Variants in SCMH1 observed in about 807,000 individuals in gnomAD.
The protein encoded by SCMH1 is Scm polycomb group protein homolog 1, also known as polycomb protein SCMH1.
SCMH1 carries 37 observed loss-of-function variants against 70.8 expected under a neutral mutation model. The observed-to-expected ratio is 0.52, with a 90% CI of 0.40 to 0.69. The LOEUF (loss-of-function observed/expected upper bound fraction) is 0.69, where lower values mean the gene tolerates loss of function less well. Among genes scored for constraint, SCMH1 ranks in the 30% least tolerant of loss-of-function variants. The probability of loss-of-function intolerance (pLI) is 0.00; values close to 1 mark genes in which losing one functional copy is unlikely to be tolerated. For synonymous variants in SCMH1, 292 were observed against 307.4 expected, an observed-to-expected ratio of 0.95 and a Z score of 0.52; for missense variants, 607 against 827.3, an observed-to-expected ratio of 0.73 and a Z score of 3.27.
intron 8 of SCMH1, among the ~76,000 whole-genome samples, chr1:41,095,560 C>G (rs6674290): frequency 0.85 from 129,432 of 152,210 alleles, 55,531 homozygotes; most frequent in East Asian, 0.96. Flanking sequence ...TGACCTCCTA[C>G]CTCCTGGGGT....
chr1:41,033,167 C>T, intron 13 of SCMH1, among the ~76,000 whole-genome samples: 1 of 151,710 alleles, frequency 6.6e-6, no homozygotes, highest in East Asian at 1.9e-4. Flanking sequence ...GCCTGCAGTC[C>T]CAACTACTTG....
intron 6 of SCMH1, among the ~76,000 whole-genome samples, chr1:41,118,815 A>G (rs957729331): frequency 5.3e-5 from 8 of 152,202 alleles, no homozygotes; most frequent in African/African-American, 1.9e-4. Flanking sequence ...ATGTTTTTTG[A>G]GCATTTCCCA....
chr1:41,176,759 G>A (rs1301853687), intron 2 of SCMH1, among the ~76,000 whole-genome samples: 3 of 152,202 alleles, frequency 2.0e-5, no homozygotes, highest in African/African-American at 4.8e-5. Flanking sequence ...CAGGAAGCTC[G>A]AACTGGGTGG....
At chr1:41,185,784 C>G (rs75111969) in intron 2 of SCMH1, among the ~76,000 whole-genome samples, 1 of 151,878 alleles carries the variant, frequency 6.6e-6, no homozygotes, top group African/African-American at 2.4e-5. Flanking sequence ...TACAGGCATG[C>G]GCCACCATGC....
chr1:41,231,973 A>G (rs1251278454), intron 1 of SCMH1, among the ~76,000 whole-genome samples: 1 of 151,688 alleles, frequency 6.6e-6, no homozygotes, highest in Admixed American at 6.6e-5. Flanking sequence ...CAGCGAGCCA[A>G]GATCTCACAC....
intron 8 of SCMH1, among the ~76,000 whole-genome samples, chr1:41,105,398 C>A (rs777904481): frequency 8.5e-5 from 13 of 152,098 alleles, no homozygotes; most frequent in Non-Finnish European, 1.5e-4. Context: ...TATAGTATAA[C>A]CTATTTCAGT....
intron 1 of SCMH1, among the ~76,000 whole-genome samples, chr1:41,220,543 T>C (rs1166518547): frequency 1.3e-5 from 2 of 152,208 alleles, no homozygotes; most frequent in Non-Finnish European, 2.9e-5. Flanking sequence ...TGCTTATAGC[T>C]ATCTCTATCT....
At chr1:41,197,097 G>T (rs1162707800) in intron 1 of SCMH1, among the ~76,000 whole-genome samples, 3 of 152,142 alleles carry the variant, frequency 2.0e-5, no homozygotes, top group African/African-American at 7.2e-5. Flanking sequence ...ATTGCTGGTG[G>T]GAATGTAAAA....
chr1:41,172,377 AG>A (rs1400742548), intron 2 of SCMH1, among the ~76,000 whole-genome samples: 1 of 152,082 alleles, frequency 6.6e-6, no homozygotes, highest in African/African-American at 2.4e-5. Context: ...AATTTATCCA[AG>A]GAGGTGAAAG....
chr1:41,095,469 GA>G (rs535713810), intron 8 of SCMH1, among the ~76,000 whole-genome samples: 56 of 152,204 alleles, frequency 3.7e-4, no homozygotes, highest in African/African-American at 1.3e-3. Context: ...TGAAAACTGG[GA>G]AAAAAATTAG....
At chr1:41,131,137 T>A (rs1036452559) in intron 6 of SCMH1, among the ~76,000 whole-genome samples, 3 of 152,198 alleles carry the variant, frequency 2.0e-5, no homozygotes, top group African/African-American at 7.2e-5. Context: ...CATTTGTTCC[T>A]CACCAGCTGT....
intron 1 of SCMH1, among the ~76,000 whole-genome samples, chr1:41,213,351 T>C (rs1036855590): frequency 5.3e-5 from 8 of 152,222 alleles, no homozygotes; most frequent in Admixed American, 3.3e-4. Context: ...TTTTGTTGTA[T>C]GTTTGTGATG....
intron 2 of SCMH1, among the ~76,000 whole-genome samples, chr1:41,177,374 A>G (rs536038714): frequency 2.6e-5 from 4 of 152,264 alleles, no homozygotes; most frequent in Non-Finnish European, 4.4e-5. Context: ...CCAGCAATGG[A>G]ACAAAGCTGG....
chr1:41,126,412 A>C (rs1216660400), intron 6 of SCMH1, among the ~76,000 whole-genome samples: 1 of 152,158 alleles, frequency 6.6e-6, no homozygotes, highest in Non-Finnish European at 1.5e-5. Flanking sequence ...TAAGTAAAAT[A>C]CTTAGTTCAA....
At chr1:41,091,707 A>G (rs182736067) in intron 8 of SCMH1, among the ~76,000 whole-genome samples, 6 of 152,076 alleles carry the variant, frequency 3.9e-5, no homozygotes, top group African/African-American at 1.4e-4. Context: ...CAAAATCACA[A>G]GCATTCCTAT....
At chr1:41,178,305 C>T (rs1427286073) in intron 2 of SCMH1, among the ~76,000 whole-genome samples, 6 of 152,132 alleles carry the variant, frequency 3.9e-5, no homozygotes, top group Non-Finnish European at 7.3e-5. Context: ...TAAAGACCAT[C>T]GAGGCTAGGA....
chr1:41,116,553 T>TA (rs1214903932), intron 7 of SCMH1, among the ~76,000 whole-genome samples: 1 of 152,128 alleles, frequency 6.6e-6, no homozygotes, highest in African/African-American at 2.4e-5. Context: ...TCGTAGGCAA[T>TA]AAAAAAAGTC....
intron 1 of SCMH1, among the ~76,000 whole-genome samples, chr1:41,220,922 G>C (rs930089168): frequency 1.3e-5 from 2 of 152,176 alleles, no homozygotes; most frequent in Admixed American, 1.3e-4. Flanking sequence ...AAATCTTAGA[G>C]AGAACACAGA....
At chr1:41,051,862 T>C (rs771082197) in intron 10 of SCMH1, among the ~76,000 whole-genome samples, 3 of 152,154 alleles carry the variant, frequency 2.0e-5, no homozygotes, top group Non-Finnish European at 2.9e-5. Flanking sequence ...GTAGCCAAAG[T>C]GTACAGTGTT....
Sources: gnomAD v4.1 joint callset for allele counts (sites outside exome capture counted in the v4.1 genomes callset) on GRCh38, gnomAD v4.1.1 for gene constraint, MANE v1.5 for transcripts, NCBI Gene and HGNC (gene_info 2026-07-23, HGNC 2026-07-21) for gene names.